Variants in NAV2 observed in about 807,000 individuals in gnomAD.
The protein encoded by NAV2 is helicase, APC down-regulated 1.
In NAV2, 54 loss-of-function variants were observed where a neutral mutation model predicts 223.2. That is an observed-to-expected ratio of 0.24 (90% CI 0.19 to 0.30). The LOEUF is 0.30. NAV2 is among the 10% of genes least tolerant of loss of function. The probability of loss-of-function intolerance (pLI) is 1.00; values close to 1 mark genes in which losing one functional copy is unlikely to be tolerated. For missense variants in NAV2, 2,806 were observed against 3,147.5 expected (o/e 0.89, Z 2.60); for synonymous variants, 1,279 against 1,239.3 (o/e 1.03, Z -0.67).
chr11:20,054,732 A>G (rs1021755176), intron 18 of NAV2, among the ~76,000 whole-genome samples: 1 of 152,182 alleles, frequency 6.6e-6, no homozygotes, highest in Admixed American at 6.5e-5. Context: ...TTGAATAGGT[A>G]TTCTTAACAA....
intron 1 of NAV2, among the ~76,000 whole-genome samples, chr11:19,784,204 C>T (rs936821356): frequency 7.9e-5 from 12 of 151,726 alleles, no homozygotes; most frequent in African/African-American, 2.9e-4. Context: ...GCCTGACCAA[C>T]ATGGAGAAAC....
At chr11:19,931,149 C>T (rs923710765) in intron 6 of NAV2, among the ~76,000 whole-genome samples, 1 of 152,160 alleles carries the variant, frequency 6.6e-6, no homozygotes, top group East Asian at 1.9e-4. Flanking sequence ...GTGCTGAGCA[C>T]TGAGCCTCCT....
rs1324283823 is a variant in NAV2, at chr11:19,859,890, C to T, written c.439-9035C>T. 3.6e-3 allele frequency among the ~76,000 whole-genome samples: 496 copies of T among 136,950 alleles called. 4 individuals are homozygous for T. Among genetic ancestry groups the T allele is most frequent in the African/African-American group, 0.013 (462 of 35,992 alleles). The allele number at this position is 136,950 out of a possible 152,430, so 89.8% of individuals were successfully genotyped here. ...GGGGCTGACCCCCCCACCTCCCTCC[C>T]GGACGGGGCGGCTGGCCGGGCAGAG... On this transcript the variant is annotated intron_variant, in intron 3 of 37. Coordinates refer to ENST00000349880, the MANE Select transcript of NAV2 (RefSeq NM_145117.5).
intron 1 of NAV2, among the ~76,000 whole-genome samples, chr11:19,447,364 CTGAACCGGTTGTG>C (rs1851622557): frequency 6.6e-6 from 1 of 152,206 alleles, no homozygotes; most frequent in East Asian, 1.9e-4. Context: ...TCACCCTCAT[CTGAACCGGTTGTG>C]TGGGGTGAAG....
chr11:20,026,124 C>A (rs1214693164), intron 11 of NAV2, among the ~76,000 whole-genome samples: 1 of 152,038 alleles, frequency 6.6e-6, no homozygotes, highest in Non-Finnish European at 1.5e-5. Context: ...CCATTTGGAG[C>A]CTCCTGGTAT....
At chr11:19,839,507 A>G (rs1186826369) in intron 2 of NAV2, among the ~76,000 whole-genome samples, 1 of 152,210 alleles carries the variant, frequency 6.6e-6, no homozygotes, top group Non-Finnish European at 1.5e-5. Flanking sequence ...TCTGAACACA[A>G]CCAGGAAATT....
chr11:19,907,534 G>GTT (rs2042974494), intron 6 of NAV2, among the ~76,000 whole-genome samples: 1 of 152,104 alleles, frequency 6.6e-6, no homozygotes, highest in African/African-American at 2.4e-5. Context: ...TAGGGGGAGG[G>GTT]GGAATTTGAG....
chr11:19,731,556 T>C (rs1186379742), intron 1 of NAV2, among the ~76,000 whole-genome samples: 1 of 152,104 alleles, frequency 6.6e-6, no homozygotes. Flanking sequence ...TGGCAGGGGT[T>C]GTTGGGGGGA....
chr11:19,417,792 A>T (rs1481513201), intron 1 of NAV2, among the ~76,000 whole-genome samples: 8 of 152,186 alleles, frequency 5.3e-5, no homozygotes, highest in Non-Finnish European at 2.9e-5. Context: ...ATGCAGCCAT[A>T]AAAAAGGATG....
chr11:19,674,060 G>A (rs1013779452), intron 1 of NAV2, among the ~76,000 whole-genome samples: 8 of 152,208 alleles, frequency 5.3e-5, no homozygotes, highest in African/African-American at 1.9e-4. Flanking sequence ...GTGGGCCGTC[G>A]TCAGTCCTGG....
Position 20,062,318 on chromosome 11 carries a change from T to C in NAV2, c.4843T>C (p.Ser1615Pro). 6.2e-7 allele frequency: 1 copy of C among 1,610,500 alleles called. No individual in the cohort carries two copies. ...TTTTCTTTTAATAGTTCATGGATCC[T>C]CACTCTCCTTGGTTTCCAGCACATC... ...RDGFEEVHGS[S>P]LSLVSSTSSV... is the part of the protein sequence containing the mutation. Residue 1615 changes from serine to proline, a missense_variant, in exon 20 of 38, where the codon TCA (serine) becomes CCA (proline). Transcript: ENST00000349880.
chr11:19,655,330 G>A (rs1011764434), intron 1 of NAV2, among the ~76,000 whole-genome samples: 5 of 152,212 alleles, frequency 3.3e-5, no homozygotes, highest in Admixed American at 3.3e-4. Flanking sequence ...GGAAGTCAGT[G>A]TGGCGATTCC....
At chr11:19,710,262 T>C (rs1281145206), upstream of NAV2, among the ~76,000 whole-genome samples, 1 of 152,222 alleles carries the variant, frequency 6.6e-6, no homozygotes, top group Non-Finnish European at 1.5e-5. Context: ...GAAATCCTCC[T>C]GCTGTCTGTG....
chr11:19,838,279 C>G lies in NAV2; in HGVS notation c.386-4592C>G. Among the ~76,000 whole-genome samples the G allele has an allele frequency of 1.3e-5, 2 of 152,218 alleles. 1 individual carries two copies. The highest frequency in any genetic ancestry group is 4.2e-4 in the South Asian group (2 of 4,812). On this transcript the variant is annotated intron_variant, in intron 2 of 37. Transcript: ENST00000349880. ...TGGCATGGTTGAGGACCCACTCCAT[C>G]GTGGGTCAGGTGCTCAGACCCGACC...
chr11:19,971,904 T>C (rs987539428), intron 10 of NAV2, among the ~76,000 whole-genome samples: 1 of 152,212 alleles, frequency 6.6e-6, no homozygotes, highest in Non-Finnish European at 1.5e-5. Context: ...GGTTTCACCA[T>C]GTTGGCTAGG....
At chr11:19,883,647 A>G (rs2063351237) in intron 5 of NAV2, among the ~76,000 whole-genome samples, 1 of 152,240 alleles carries the variant, frequency 6.6e-6, no homozygotes, top group Non-Finnish European at 1.5e-5. Flanking sequence ...GGATGTATGG[A>G]TGCAAGAAAG....
At chr11:19,932,257 A>AAAAAAAAAAAAAAAAAAAAAAAAAAG (rs1555153008) in intron 6 of NAV2, among the ~76,000 whole-genome samples, 1 of 100,008 alleles carries the variant, frequency 1.0e-5, no homozygotes, top group Non-Finnish European at 2.0e-5. Context: ...AAAAAAAAAA[A>AAAAAAAAAAAAAAAAAAAAAAAAAAG]AAAGAAAGAA....
At chr11:20,064,813 C>A (rs7952725) in intron 20 of NAV2, among the ~76,000 whole-genome samples, 5,752 of 152,044 alleles carry the variant, frequency 0.038, 331 homozygotes, top group African/African-American at 0.13. Flanking sequence ...AACAAGAGAC[C>A]CGAGGTGTAA....
At chr11:19,982,526 G>A (rs948669999) in intron 10 of NAV2, among the ~76,000 whole-genome samples, 3 of 152,274 alleles carry the variant, frequency 2.0e-5, no homozygotes, top group African/African-American at 7.2e-5. Context: ...GAAAACTTCA[G>A]TCTCTTCTGT....
Sources: allele counts gnomAD v4.1 joint callset (sites outside exome capture counted in the v4.1 genomes callset), GRCh38; gene constraint gnomAD v4.1.1; transcripts MANE v1.5; gene names NCBI Gene and HGNC (gene_info 2026-07-23, HGNC 2026-07-21).